The following SART3 variants were observed in gnomAD, a reference collection of about 807,000 sequenced individuals.
SART3 encodes spliceosome associated factor 3, U4/U6 recycling protein.
SART3 carries 44 observed loss-of-function variants against 122.3 expected under a neutral mutation model. The observed-to-expected ratio is 0.36, with a 90% confidence interval of 0.28 to 0.46. SART3 has a LOEUF of 0.46. Among genes scored for constraint, SART3 ranks in the 20% least tolerant of loss-of-function variants. The pLI, the probability that SART3 is intolerant of heterozygous loss-of-function variation, is 1.00. For synonymous variants in SART3, 442 were observed against 454.0 expected (o/e 0.97, Z 0.34); for missense variants, 1,101 against 1,229.0 (o/e 0.90, Z 1.56).
At chr12:108,535,725 A>T (rs758129956) in intron 11 of SART3, among the ~76,000 whole-genome samples, 3 of 151,824 alleles carry the variant, frequency 2.0e-5, no homozygotes, top group Non-Finnish European at 4.4e-5. Flanking sequence ...ACTCGACAGT[A>T]CTAGATAGTC....
intron 12 of SART3, chr12:108,532,568 T>C: frequency 1.5e-5 from 7 of 472,830 alleles, no homozygotes; most frequent in South Asian, 1.0e-4. Flanking sequence ...TACTGGAAAG[T>C]GTACCTGATA....
chr12:108,537,626 C>T, intron 8 of SART3, 31 bp from the exon 9 acceptor site: 1 of 1,553,718 alleles, frequency 6.4e-7, no homozygotes, highest in Non-Finnish European at 8.9e-7. Flanking sequence ...GGATTTGTTA[C>T]CAATTCAAAT....
chr12:108,530,054 G>T lies in SART3; in HGVS notation c.1915+88C>A, dbSNP rs758831425. ...GGGTAATGGGTATCAAGCTGGTAACGGTTCAGGGAAGAAAGTTCTTCATAC... is the reference window on the plus strand; with the variant it reads ...GGGTAATGGGTATCAAGCTGGTAACTGTTCAGGGAAGAAAGTTCTTCATAC... On this transcript the variant is annotated intron_variant, in intron 15 of 18. Coordinates refer to ENST00000546815, the MANE Select transcript of SART3 (RefSeq NM_014706.4). 6.9e-6 allele frequency: 10 copies of T among 1,459,326 alleles called. No homozygotes were observed. In the African/African-American group the frequency reaches 9.7e-5, roughly 14 times the overall value. The allele number at this position is 1,459,326 out of a possible 1,614,324, so 90.4% of individuals were successfully genotyped here.
At chr12:108,558,911 T>C (rs2030344106) in intron 1 of SART3, among the ~76,000 whole-genome samples, 1 of 151,892 alleles carries the variant, frequency 6.6e-6, no homozygotes. Flanking sequence ...CGGGCGCCTG[T>C]AGTCCCAGCT....
chr12:108,524,963 G>A (rs908238974), intron 17 of SART3: 2 of 295,146 alleles, frequency 6.8e-6, no homozygotes, highest in Non-Finnish European at 1.3e-5. Flanking sequence ...AGTGGGCAGT[G>A]GGTAGACAGT....
intron 6 of SART3, 134 bp downstream of exon 6, chr12:108,542,894 T>C (rs764301960): frequency 8.2e-7 from 1 of 1,225,986 alleles, no homozygotes; most frequent in Non-Finnish European, 1.2e-6. Context: ...TATTAGTATG[T>C]AAACTGTACG....
chr12:108,549,231 C>T lies in SART3; in HGVS notation c.313-17G>A, dbSNP rs755844134. ...GATAGACAACTAACAGGAAAAGAAA[C>T]AAGTTGAAATTTAAAACACCGTCAT... On this transcript the variant is annotated splice_polypyrimidine_tract_variant and intron_variant, in intron 1 of 18. Transcript: ENST00000546815. 3.7e-6 allele frequency: 6 copies of T among 1,613,952 alleles called. No homozygotes were observed. Among genetic ancestry groups the T allele is most frequent in the East Asian group, 2.2e-5 (1 of 44,868 alleles).
chr12:108,542,535 G>A (rs1873214756), intron 6 of SART3, among the ~76,000 whole-genome samples: 1 of 134,934 alleles, frequency 7.4e-6, no homozygotes, highest in South Asian at 2.2e-4. Flanking sequence ...ATACATCGCA[G>A]TACACAGACA....
intron 15 of SART3, among the ~76,000 whole-genome samples, chr12:108,528,685 G>A (rs1872513340): frequency 6.6e-6 from 1 of 152,146 alleles, no homozygotes; most frequent in African/African-American, 2.4e-5. Flanking sequence ...CCTGGCCCCG[G>A]GTGTGGGAGA....
intron 1 of SART3, chr12:108,554,019 C>A (rs2030115537): frequency 6.6e-6 from 1 of 152,230 alleles, no homozygotes; most frequent in Non-Finnish European, 1.5e-5. Flanking sequence ...GTCTCTCCAA[C>A]CTCAGGGCTA....
chr12:108,559,446 A>C (rs2030375456), intron 1 of SART3, among the ~76,000 whole-genome samples: 1 of 152,146 alleles, frequency 6.6e-6, no homozygotes, highest in East Asian at 1.9e-4. Context: ...TGGGTGGATC[A>C]CCTGAGGTCA....
At chr12:108,528,564 G>C (rs1286699642) in intron 15 of SART3, among the ~76,000 whole-genome samples, 1 of 151,692 alleles carries the variant, frequency 6.6e-6, no homozygotes, top group Non-Finnish European at 1.5e-5. Flanking sequence ...CGGGATGCTA[G>C]AGCCTGAATG....
rs144951928 is a variant in SART3 at position 108,526,539 on chromosome 12, G to A, written c.1930C>T (p.Arg644Cys). 1.5e-5 allele frequency: 24 copies of A among 1,613,742 alleles called. No homozygotes were observed. The highest frequency in any genetic ancestry group is 2.2e-5 in the East Asian group (1 of 44,900). Residue 644 changes from arginine (R) to cysteine (C), a missense_variant, in exon 16 of 19, where the codon CGC (arginine) becomes TGC (cysteine). Arg to Cys is a radical substitution (Grantham distance 180). Transcript: ENST00000546815. ...GDDEEEQPSKRRRVENSIPAA... is the reference protein window; with the variant it reads ...GDDEEEQPSKCRRVENSIPAA... ...GGGATGCTGTTCTCGACCCTTCTGC[G>A]TTTGGAAGGCTGCTCTACAGGTTTT...
chr12:108,526,679 G>A (rs552765125), intron 15 of SART3, 126 bp from the exon 16 acceptor site: 38 of 1,028,252 alleles, frequency 3.7e-5, no homozygotes, highest in Non-Finnish European at 5.5e-5. Flanking sequence ...ACCAGACTCG[G>A]AGGGGCAAGC....
chr12:108,544,872 G>A, intron 4 of SART3: 1 of 579,572 alleles, frequency 1.7e-6, no homozygotes, highest in Non-Finnish European at 3.1e-6. Context: ...GCCAACTCTG[G>A]TTCTTTCTAC....
Position 108,535,464 on chromosome 12 carries a change from C to G in SART3, c.1451G>C (p.Arg484Pro). The G allele has an allele frequency of 6.2e-7, 1 of 1,613,852 alleles. No homozygotes were observed. The highest frequency in any genetic ancestry group is 1.1e-5 in the South Asian group (1 of 91,050). The change falls in exon 12 of 19, where the codon CGA becomes CCA. Residue 484 changes from arginine (R) to proline (P), a missense_variant. Arg to Pro is a moderately radical substitution (Grantham distance 103, BLOSUM62 -2). Transcript: ENST00000546815. ...IMQNWARIEARLCNNMQKARE... is the reference protein window; with the variant it reads ...IMQNWARIEAPLCNNMQKARE... ...AGCTTTCTGCATGTTATTGCACAGTCGAGCCTAAAGTGCATCAGCAGGCTG... is the reference window on the plus strand; with the variant it reads ...AGCTTTCTGCATGTTATTGCACAGTGGAGCCTAAAGTGCATCAGCAGGCTG...
intron 3 of SART3, 23 bp downstream of exon 3, chr12:108,547,864 A>C (rs762046231): frequency 1.3e-6 from 2 of 1,578,224 alleles, no homozygotes; most frequent in African/African-American, 2.7e-5. Context: ...CCAGATATCC[A>C]AAAAAAGTCC....
chr12:108,541,754 G>A (rs1038465328), intron 6 of SART3, among the ~76,000 whole-genome samples: 2 of 151,974 alleles, frequency 1.3e-5, no homozygotes, highest in Non-Finnish European at 2.9e-5. Flanking sequence ...TGGCCAGGCT[G>A]GTCTCAAACT....
chr12:108,523,625 C>T lies in SART3; in HGVS notation c.2724G>A (p.Lys908=). ...LLPQTYGARG[K]GRTQLSLLPR... ...GCAGTAGAGACAGCTGCGTCCTTCC[C>T]TTCCCCCTCCTAAAAGAGCAAACAC... is the stretch of plus-strand genomic sequence containing the variant. Residue 908 remains lysine, a synonymous_variant, in exon 19 of 19, where the codon AAG becomes AAA. Transcript: ENST00000546815. The T allele has an allele frequency of 6.2e-7, 1 of 1,614,100 alleles. No homozygotes were observed. Among genetic ancestry groups the T allele is most frequent in the Non-Finnish European group, 8.5e-7 (1 of 1,179,992 alleles).
Sources: allele counts gnomAD v4.1 joint callset (sites outside exome capture counted in the v4.1 genomes callset), GRCh38; gene constraint gnomAD v4.1.1; transcripts MANE v1.5; gene names NCBI Gene and HGNC (gene_info 2026-07-23, HGNC 2026-07-21).